FBN3: variants seen among roughly 807,000 people sequenced by gnomAD.
The protein encoded by FBN3 is fibrillin 3.
A neutral mutation model predicts 330.1 loss-of-function variants in FBN3; 234 were observed. That is an observed-to-expected ratio of 0.71 (90% CI 0.64 to 0.79). The LOEUF is 0.79. Ranked by LOEUF, FBN3 falls within the 30% of genes least tolerant of loss-of-function variation. The probability of loss-of-function intolerance (pLI) is 0.00; values close to 1 mark genes in which losing one functional copy is unlikely to be tolerated. For synonymous variants in FBN3, 1,458 were observed against 1,517.3 expected (o/e 0.96, Z 0.91); for missense variants, 3,606 against 3,886.9 (o/e 0.93, Z 1.92).
chr19:8,135,257 G>C (rs2083251187), intron 13 of FBN3, among the ~76,000 whole-genome samples: 1 of 151,694 alleles, frequency 6.6e-6, no homozygotes, highest in Non-Finnish European at 1.5e-5. Flanking sequence ...ACAGTTGTGA[G>C]CCACCAAGCT....
At chr19:8,095,026 C>T (rs34241327) in intron 46 of FBN3, among the ~76,000 whole-genome samples, 30,521 of 151,948 alleles carry the variant, frequency 0.2, 3,178 homozygotes, top group Middle Eastern at 0.27. Context: ...AGGCTGGATG[C>T]GGTGGTGTGA....
chr19:8,116,551 T>C, intron 29 of FBN3, 123 bp downstream of exon 29: 9 of 1,027,386 alleles, frequency 8.8e-6, no homozygotes, highest in Non-Finnish European at 1.2e-5. Flanking sequence ...TCTTCCTACC[T>C]GCGAATGGCA....
rs766941645 is a variant in FBN3, at chr19:8,136,428, A to G, written c.1305T>C (p.Cys435=). 2.3e-5 allele frequency: 37 copies of G among 1,613,988 alleles called. No individual in the cohort carries two copies. The highest frequency in any genetic ancestry group is 3.0e-5 in the Non-Finnish European group (35 of 1,180,008). The part of the protein sequence containing the change: ...LPTPSSYRCE[C]NVGYTQDVRG... ...GCACGTCCTGGGTGTAGCCCACGTTACACTCGCAGCGGTAGCTGGAAGGCG... is the reference window on the plus strand; with the variant it reads ...GCACGTCCTGGGTGTAGCCCACGTTGCACTCGCAGCGGTAGCTGGAAGGCG... The change falls in exon 11 of 64, where the codon TGT becomes TGC. Residue 435 remains cysteine (C), a synonymous_variant. Coordinates refer to ENST00000600128, the MANE Select transcript of FBN3 (RefSeq NM_032447.5).
At chr19:8,136,137 C>T in intron 12 of FBN3, 51 bp from the exon 13 acceptor site, 1 of 1,612,614 alleles carries the variant, frequency 6.2e-7, no homozygotes, top group Non-Finnish European at 8.5e-7. Context: ...CCCTCCAAGC[C>T]TGGGCCAGAA....
intron 59 of FBN3, among the ~76,000 whole-genome samples, chr19:8,080,634 T>C (rs1454893549): frequency 1.3e-5 from 2 of 152,126 alleles, no homozygotes; most frequent in East Asian, 3.9e-4. Context: ...ACTATTTTTT[T>C]TGAGACAGAG....
intron 10 of FBN3, among the ~76,000 whole-genome samples, chr19:8,136,745 A>G (rs140701717): frequency 4.6e-5 from 7 of 151,972 alleles, no homozygotes; most frequent in Non-Finnish European, 1.0e-4. Context: ...AGATCCCTCC[A>G]ACCTGGGCCT....
Position 8,096,895 on chromosome 19 carries a change from C to T in FBN3, c.5399G>A (p.Gly1800Asp), listed in dbSNP as rs1445102824. Residue 1800 changes from glycine (G) to aspartate (D), a missense_variant, in exon 43 of 64, where the codon GGC becomes GAC. Coordinates refer to ENST00000600128, the MANE Select transcript of FBN3 (RefSeq NM_032447.5). This position sits in a 1 kb window ranked among gnomAD's most constrained non-coding sequence, Gnocchi z 4.6. ...ACCCTGCTCACCCACACAAGCCCCGCCTGGCGACAGTTTGTACCCTCGGGT... is the reference window on the plus strand; with the variant it reads ...ACCCTGCTCACCCACACAAGCCCCGTCTGGCGACAGTTTGTACCCTCGGGT... ...KCTRGYKLSPGGACVGRNECR... is the reference protein window; with the variant it reads ...KCTRGYKLSPDGACVGRNECR... 8 of 1,613,518 alleles carry T rather than the reference C, an allele frequency of 5.0e-6. No individual in the cohort carries two copies. Among genetic ancestry groups the T allele is most frequent in the Middle Eastern group, 1.7e-4 (1 of 6,058 alleles).
chr19:8,112,220 C>T, intron 30 of FBN3, 121 bp from the exon 31 acceptor site: 1 of 1,029,364 alleles, frequency 9.7e-7, no homozygotes, highest in Non-Finnish European at 1.4e-6. Context: ...AAAGCCTCCT[C>T]CCATTCACCT....
chr19:8,110,443 G>A (rs1276644254), intron 34 of FBN3, among the ~76,000 whole-genome samples: 1 of 152,172 alleles, frequency 6.6e-6, no homozygotes, highest in Non-Finnish European at 1.5e-5. Context: ...ACCTGTTTGT[G>A]TCAATAAAGT....
intron 13 of FBN3, 26 bp downstream of exon 13, chr19:8,135,935 T>TTGGGGGGGGGGGGGGGGGGGGGGGGGGGC: frequency 1.0e-5 from 14 of 1,344,154 alleles, no homozygotes; most frequent in Non-Finnish European, 1.3e-5. Flanking sequence ...CGGAAGCCCC[T>TTGGGGGGGGGGGGGGGGGGGGGGGGGGGC]GCCCACCCGC....
rs1034699791 is a variant in FBN3 at position 8,091,602 on chromosome 19, G to A, written c.5906-12C>T. The A allele has an allele frequency of 1.2e-6, 2 of 1,613,660 alleles. No individual in the cohort carries two copies. The highest frequency in any genetic ancestry group is 1.3e-5 in the African/African-American group (1 of 74,926). ...GCACTCGTCGATATCTGGAAGGGCA[G>A]GGACATGAGCTGGGTGGGGGGCAAG... is the stretch of plus-strand genomic sequence containing the variant. On this transcript the variant is annotated splice_polypyrimidine_tract_variant and intron_variant, in intron 47 of 63. Coordinates refer to ENST00000600128, the MANE Select transcript of FBN3 (RefSeq NM_032447.5).
chr19:8,087,762 C>A, intron 53 of FBN3, 63 bp downstream of exon 53: 1 of 1,458,930 alleles, frequency 6.9e-7, no homozygotes, highest in African/African-American at 1.4e-5. Flanking sequence ...GCGTGTGCCA[C>A]CATGCCCAGC....
chr19:8,144,550 C>T (rs1185842780), intron 6 of FBN3, among the ~76,000 whole-genome samples: 2 of 151,918 alleles, frequency 1.3e-5, no homozygotes, highest in African/African-American at 4.8e-5. Flanking sequence ...CCTTCACATG[C>T]TCCAGGGCTG....
chr19:8,088,739 ATGAG>A (rs2082023277), intron 51 of FBN3, among the ~76,000 whole-genome samples: 1 of 152,218 alleles, frequency 6.6e-6, no homozygotes, highest in African/African-American at 2.4e-5. Context: ...GAGCAAAGGA[ATGAG>A]TGAGTAAATG....
At position 8,096,392 on chromosome 19, in the gene FBN3, T is replaced by G; in HGVS notation, c.5539+52A>C. The G allele has an allele frequency of 6.3e-7, 1 of 1,585,848 alleles. No individual in the cohort carries two copies. On this transcript the variant is annotated intron_variant, in intron 44 of 63. Coordinates refer to ENST00000600128, the MANE Select transcript of FBN3 (RefSeq NM_032447.5). This position sits in a 1 kb window ranked among gnomAD's most constrained non-coding sequence, Gnocchi z 4.6. ...ACACCACTTCCATCCCAGGGGAGGT[T>G]TAGACCCCAGGCAGCCTGGCTTGAA...
intron 41 of FBN3, among the ~76,000 whole-genome samples, chr19:8,097,652 C>A (rs1183284816): frequency 6.6e-6 from 1 of 152,214 alleles, no homozygotes; most frequent in Admixed American, 6.5e-5. Context: ...TAAAAATACA[C>A]ACTTCCTGTG....
Position 8,138,238 on chromosome 19 carries a change from G to A in FBN3, c.1104C>T (p.Ser368=). The part of the protein sequence containing the change: ...GLFPGLLGFG[S]NGMGPPLGPA... The stretch of plus-strand genomic sequence containing the variant: ...GCCCAAGAGGGGGACCCATGCCATT[G>A]GATCCGAAGCCCAGGAGGCCAGGGA... The change falls in exon 10 of 64, where the codon TCC becomes TCT. Residue 368 remains serine, a synonymous_variant. Coordinates refer to ENST00000600128, the MANE Select transcript of FBN3 (RefSeq NM_032447.5). 1.2e-6 allele frequency: 2 copies of A among 1,612,050 alleles called. No individual in the cohort carries two copies. The highest frequency in any genetic ancestry group is 1.7e-6 in the Non-Finnish European group (2 of 1,179,426).
In FBN3 at chr19:8,147,501, C is replaced by T. The variant is rs548042156; in HGVS notation, c.-17-4G>A. ...GTCATGGCGTGTCCCCTGGAGGCTG[C>T]GGAGAGGAAGCAGAGTCAGCCCTAG... On this transcript the variant is annotated splice_polypyrimidine_tract_variant and splice_region_variant and intron_variant, in intron 1 of 63. Transcript: ENST00000600128. 49 of 1,442,180 alleles carry T rather than the reference C, an allele frequency of 3.4e-5. No individual in the cohort carries two copies. In the South Asian group the frequency reaches 4.4e-4, roughly 13 times the overall value. 89.3% of individuals were successfully genotyped at this position (1,442,180 alleles called of 1,614,324 possible).
At chr19:8,082,758 T>C (rs2081835118) in intron 57 of FBN3, among the ~76,000 whole-genome samples, 1 of 152,002 alleles carries the variant, frequency 6.6e-6, no homozygotes, top group South Asian at 2.1e-4. Context: ...CCTCCCAAAG[T>C]GCTGGGATTA....
Sources: gnomAD v4.1 joint callset for allele counts (sites outside exome capture counted in the v4.1 genomes callset) on GRCh38, gnomAD v4.1.1 for gene constraint, Gnocchi (gnomAD v3.1) non-coding constraint, MANE v1.5 for transcripts, NCBI Gene and HGNC (gene_info 2026-07-23, HGNC 2026-07-21) for gene names.